The following TLR7 variants were observed in gnomAD, a reference collection of about 807,000 sequenced individuals.
TLR7 encodes the protein toll-like receptor 7.
Under a neutral mutation model 38.3 loss-of-function variants are expected in TLR7, and 12 were observed. The ratio of observed to expected loss-of-function variants is 0.31; its 90% CI spans 0.20 to 0.51. The LOEUF is 0.51. Ranked by LOEUF, TLR7 falls within the 20% of genes least tolerant of loss-of-function variation. TLR7 has a pLI of 0.98. For missense variants in TLR7, 504 were observed against 743.4 expected (o/e 0.68, Z 3.74); for synonymous variants, 285 against 293.8 (o/e 0.97, Z 0.31).
At chrX:12,869,571 T>A (rs374227211) in intron 2 of TLR7, among the ~76,000 whole-genome samples, 40 of 109,827 alleles carry the variant, frequency 3.6e-4, no homozygotes, top group South Asian at 1.6e-3. Context: ...GGAACAACAC[T>A]CACTGAGGCC....
intron 2 of TLR7, among the ~76,000 whole-genome samples, chrX:12,876,372 G>A (rs5743749): frequency 0.046 from 5,130 of 112,384 alleles, 128 homozygotes; most frequent in Middle Eastern, 0.093. Flanking sequence ...TACTTGAACT[G>A]AAAAGGAAAT....
chrX:12,884,922 G>C (rs2042904660), intron 2 of TLR7, among the ~76,000 whole-genome samples: 2 of 113,118 alleles, frequency 1.8e-5, no homozygotes, highest in Non-Finnish European at 3.7e-5. Flanking sequence ...ATTATGGAAT[G>C]TCAGTGCCAG....
rs5743724 is a variant in TLR7 at position 12,870,038 on chromosome X, T to C, written c.3+2457T>C. The stretch of plus-strand genomic sequence containing the variant: ...TACCGTGTATTCCTCATGTTTTTAC[T>C]GCACCTGCTAGGCAAATACTAGATG... On this transcript the variant is annotated intron_variant, in intron 2 of 2. Transcript: ENST00000380659. 9.5e-3 allele frequency among the ~76,000 whole-genome samples: 1,052 copies of C among 110,633 alleles called. 16 individuals are homozygous for C. Among genetic ancestry groups the C allele is most frequent in the African/African-American group, 0.033 (1,006 of 30,407 alleles).
At position 12,887,724 on chromosome X, in the gene TLR7, C is replaced by T; in HGVS notation, c.2216C>T (p.Thr739Met). Reference protein sequence around the residue: ...ILKNNQIRSLTKYFLQDAFQL... With the variant: ...ILKNNQIRSLMKYFLQDAFQL... ...AAGAATAATCAAATCAGGAGTCTGA[C>T]GAAGTATTTTCTACAAGATGCCTTC... Residue 739 changes from threonine to methionine, a missense_variant, in exon 3 of 3, where the codon ACG becomes ATG. Physicochemically the swap from Thr to Met is moderately conservative, Grantham distance 81. Transcript: ENST00000380659. 8.3e-7 allele frequency: 1 copy of T among 1,210,564 alleles called. No homozygotes were observed. Among genetic ancestry groups the T allele is most frequent in the Non-Finnish European group, 1.1e-6 (1 of 894,578 alleles).
intron 2 of TLR7, among the ~76,000 whole-genome samples, chrX:12,883,855 A>G (rs1467383377): frequency 1.8e-5 from 2 of 111,853 alleles, no homozygotes; most frequent in African/African-American, 3.3e-5. Context: ...GACAAGAAGA[A>G]GAGACAATTT....
intron 2 of TLR7, among the ~76,000 whole-genome samples, chrX:12,885,273 C>T (rs762941639): frequency 8.9e-6 from 1 of 112,399 alleles, no homozygotes; most frequent in East Asian, 2.8e-4. Flanking sequence ...TCTACCCTCT[C>T]GAAAGCTATT....
chrX:12,888,799 C>A lies in TLR7; in HGVS notation c.*141C>A. The A allele has an allele frequency of 1.6e-6, 1 of 624,533 alleles. No homozygotes were observed. Among genetic ancestry groups the A allele is most frequent in the Non-Finnish European group, 2.4e-6 (1 of 422,108 alleles). 51.5% of individuals were successfully genotyped at this position (624,533 alleles called of 1,213,427 possible). A position where few individuals can be genotyped will look rare whatever the true frequency, so the allele number is the denominator to read the frequency against. On this transcript the variant is annotated 3_prime_UTR_variant, in exon 3 of 3. Transcript: ENST00000380659. ...GCCCATATTTCAGGGGAGCCACCAA[C>A]GTCTGTCACAGGAGTTGGAAAGATG...
At chrX:12,873,986 T>C (rs991892057) in intron 2 of TLR7, among the ~76,000 whole-genome samples, 1 of 112,447 alleles carries the variant, frequency 8.9e-6, no homozygotes, top group African/African-American at 3.2e-5. Flanking sequence ...ATTCTTACTA[T>C]TTCAGAAAGC....
Position 12,887,686 on chromosome X carries a change from G to T in TLR7, c.2178G>T (p.Lys726Asn). Residue 726 changes from lysine to asparagine, a missense_variant, in exon 3 of 3, where the codon AAG becomes AAT. Transcript: ENST00000380659. ...TATCCAACTGTTCCAGAAGCCTCAA[G>T]AATCTGATTCTTAAGAATAATCAAA... ...ERLSNCSRSL[K>N]NLILKNNQIR... 2 of 1,211,464 alleles carry T rather than the reference G, an allele frequency of 1.7e-6. No homozygotes were observed. The highest frequency in any genetic ancestry group is 2.2e-6 in the Non-Finnish European group (2 of 895,488).
chrX:12,870,209 G>C (rs188011925), intron 2 of TLR7, among the ~76,000 whole-genome samples: 113 of 111,545 alleles, frequency 1.0e-3, no homozygotes, highest in Non-Finnish European at 1.9e-3. Context: ...ATGAAAGTCA[G>C]AGAGCTCTTA....
intron 2 of TLR7, among the ~76,000 whole-genome samples, chrX:12,875,017 G>A (rs1569107369): frequency 9.1e-6 from 1 of 109,498 alleles, no homozygotes; most frequent in Non-Finnish European, 1.9e-5. Context: ...TATTGTGGTA[G>A]GAATCTAATA....
At chrX:12,881,575 A>AAATGAGTAATTTATTCTTTTTAATAAAT (rs1319931978) in intron 2 of TLR7, among the ~76,000 whole-genome samples, 2 of 104,488 alleles carry the variant, frequency 1.9e-5, no homozygotes, top group African/African-American at 3.4e-5. Flanking sequence ...AATAAATAAT[A>AAATGAGTAATTTATTCTTTTTAATAAAT]AATAACTGAG....
At chrX:12,881,437 CTTTT>C (rs905362541) in intron 2 of TLR7, among the ~76,000 whole-genome samples, 53 of 105,311 alleles carry the variant, frequency 5.0e-4, no homozygotes, top group African/African-American at 1.8e-3. Context: ...GTCATTTATT[CTTTT>C]TAATAAATGA....
intron 2 of TLR7, among the ~76,000 whole-genome samples, chrX:12,880,549 C>A (rs1037478236): frequency 1.8e-5 from 2 of 112,013 alleles, no homozygotes; most frequent in Admixed American, 9.4e-5. Flanking sequence ...AATCCCTGGG[C>A]AGATAGAAGA....
chrX:12,873,563 A>G (rs1404197163), intron 2 of TLR7, among the ~76,000 whole-genome samples: 1 of 111,715 alleles, frequency 9.0e-6, no homozygotes, highest in East Asian at 2.8e-4. Context: ...TTTGATTTTA[A>G]AAGTTTTAAT....
chrX:12,889,040 T>TA lies in TLR7; in HGVS notation c.*390dup, dbSNP rs967046441. The TA allele has an allele frequency of 1.8e-4, 23 of 128,919 alleles. No individual in the cohort carries two copies. Among genetic ancestry groups the TA allele is most frequent in the African/African-American group, 4.2e-4 (13 of 31,151 alleles). The allele number at this position is 128,919 out of a possible 1,213,427, so 10.6% of individuals were successfully genotyped here. ...GTACTGGTATATACAGAAATAGGGT[T>TA]AAAAAAAACTCAAGCTCTCTCTATA... On this transcript the variant is annotated 3_prime_UTR_variant, in exon 3 of 3. Coordinates refer to ENST00000380659, the MANE Select transcript of TLR7 (RefSeq NM_016562.4).
At chrX:12,876,114 A>G (rs1055173842) in intron 2 of TLR7, among the ~76,000 whole-genome samples, 6 of 110,552 alleles carry the variant, frequency 5.4e-5, no homozygotes, top group Non-Finnish European at 1.1e-4. Flanking sequence ...GCATGCCACC[A>G]TGCCCGGCTA....
chrX:12,871,456 G>A lies in TLR7; in HGVS notation c.3+3875G>A, dbSNP rs182518872. ...AATGAATTTGAGGGCAAGGTTTCCA[G>A]CAATCGCCCCGGCCATTGCTTACTT... is the stretch of plus-strand genomic sequence containing the variant. On this transcript the variant is annotated intron_variant, in intron 2 of 2. Coordinates refer to ENST00000380659, the MANE Select transcript of TLR7 (RefSeq NM_016562.4). Among the ~76,000 whole-genome samples, 62 of 111,815 alleles carry A rather than the reference G, an allele frequency of 5.5e-4. 1 individual carries two copies. Among genetic ancestry groups the A allele is most frequent in the African/African-American group, 1.9e-3 (57 of 30,743 alleles).
intron 2 of TLR7, among the ~76,000 whole-genome samples, chrX:12,882,732 A>G (rs2042896888): frequency 8.9e-6 from 1 of 112,417 alleles, no homozygotes; most frequent in African/African-American, 3.2e-5. Flanking sequence ...TTCATTTCAC[A>G]GCCTCCATTT....
Sources: allele counts gnomAD v4.1 joint callset (sites outside exome capture counted in the v4.1 genomes callset), GRCh38; gene constraint gnomAD v4.1.1; transcripts MANE v1.5; gene names NCBI Gene and HGNC (gene_info 2026-07-23, HGNC 2026-07-21).